Variants in OPHN1 observed in about 807,000 individuals in gnomAD.
The protein encoded by OPHN1 is oligophrenin-1.
Under a neutral mutation model 60.7 loss-of-function variants are expected in OPHN1, and 11 were observed. The ratio of observed to expected loss-of-function variants is 0.18; its 90% confidence interval spans 0.11 to 0.30. The LOEUF (loss-of-function observed/expected upper bound fraction) is 0.30. Among genes scored for constraint, OPHN1 ranks in the 10% least tolerant of loss-of-function variants. OPHN1 has a pLI of 1.00. For missense variants in OPHN1, 449 were observed against 611.0 expected (o/e 0.73, Z 2.80); for synonymous variants, 226 against 222.6 (o/e 1.02, Z -0.14).
At chrX:68,194,042 G>A (rs1342489074) in intron 13 of OPHN1, 90 bp from the exon 14 acceptor site, 6 of 773,549 alleles carry the variant, frequency 7.8e-6, no homozygotes, top group Non-Finnish European at 1.2e-5. Context: ...ACTGCATTGA[G>A]AGAGCTAAGG....
chrX:68,162,776 TAATC>T (rs1304439909), intron 15 of OPHN1, among the ~76,000 whole-genome samples: 1 of 111,194 alleles, frequency 9.0e-6, no homozygotes, highest in Non-Finnish European at 1.9e-5. Flanking sequence ...TTATGTTACT[TAATC>T]AAGTGAAAAA....
chrX:68,220,503 C>T (rs1471322648), intron 6 of OPHN1, among the ~76,000 whole-genome samples: 1 of 104,395 alleles, frequency 9.6e-6, no homozygotes, highest in Non-Finnish European at 2.0e-5. Flanking sequence ...GACCAATATC[C>T]TTGATGAACA....
chrX:68,087,303 C>G (rs1027007688), intron 19 of OPHN1, among the ~76,000 whole-genome samples: 2 of 112,149 alleles, frequency 1.8e-5, no homozygotes, highest in Non-Finnish European at 3.8e-5. Context: ...TTCTGATGGG[C>G]CTTGGCTGTT....
intron 5 of OPHN1, among the ~76,000 whole-genome samples, chrX:68,266,221 A>T (rs922874606): frequency 9.0e-5 from 10 of 111,397 alleles, no homozygotes; most frequent in Non-Finnish European, 1.9e-4. Context: ...CAAGACACAT[A>T]ATTGTCAGAT....
chrX:68,065,107 G>A (rs1329692534), intron 20 of OPHN1, among the ~76,000 whole-genome samples: 2 of 110,886 alleles, frequency 1.8e-5, no homozygotes, highest in African/African-American at 3.3e-5. Context: ...AAACCTGCAC[G>A]TTGTGCACAT....
intron 15 of OPHN1, among the ~76,000 whole-genome samples, chrX:68,137,116 G>A (rs1413449266): frequency 8.9e-6 from 1 of 111,744 alleles, no homozygotes; most frequent in Admixed American, 9.5e-5. Context: ...AAAAACATGA[G>A]TTAAATCATA....
At chrX:68,121,230 C>T (rs772488454) in intron 15 of OPHN1, among the ~76,000 whole-genome samples, 1 of 112,004 alleles carries the variant, frequency 8.9e-6, no homozygotes, top group African/African-American at 3.2e-5. Context: ...AAAACATTGG[C>T]AAACCATAAA....
chrX:68,310,323 C>T (rs1281783120), intron 2 of OPHN1, among the ~76,000 whole-genome samples: 1 of 111,192 alleles, frequency 9.0e-6, no homozygotes, highest in African/African-American at 3.3e-5. Flanking sequence ...TAAAGTTATC[C>T]AGAACCACAA....
intron 2 of OPHN1, among the ~76,000 whole-genome samples, chrX:68,378,425 C>T (rs2078573604): frequency 9.0e-6 from 1 of 111,538 alleles, no homozygotes; most frequent in Non-Finnish European, 1.9e-5. Flanking sequence ...TGCAGAAGCT[C>T]TTTAGTTTAA....
rs781083988 is a variant in OPHN1, at chrX:68,096,939, A to G, written c.1617T>C (p.Thr539=). ...GPTLMRAQED[T]VAAMMNIKFQ... Reference sequence around the variant, plus strand: ...ATTTGATGTTCATCATGGCGGCCACAGTGTCCTCCTGAGCTCTCATCAGGG... The same window carrying G: ...ATTTGATGTTCATCATGGCGGCCACGGTGTCCTCCTGAGCTCTCATCAGGG... The change falls in exon 19 of 25, where the codon ACT becomes ACC. Residue 539 remains threonine (T), a synonymous_variant. Transcript: ENST00000355520. 1.3e-5 allele frequency: 16 copies of G among 1,208,708 alleles called. No homozygotes were observed. Among genetic ancestry groups the G allele is most frequent in the Admixed American group, 2.2e-5 (1 of 45,694 alleles).
At chrX:68,070,635 C>T in intron 20 of OPHN1, 2 of 747,752 alleles carry the variant, frequency 2.7e-6, no homozygotes, top group South Asian at 4.2e-5. Flanking sequence ...CCATTTGGCA[C>T]AGCAAGTGGC....
chrX:68,233,806 T>C (rs1248528512), intron 6 of OPHN1, among the ~76,000 whole-genome samples: 1 of 111,534 alleles, frequency 9.0e-6, no homozygotes, highest in Non-Finnish European at 1.9e-5. Flanking sequence ...CAAACATAAG[T>C]CTTCTATTCT....
intron 11 of OPHN1, among the ~76,000 whole-genome samples, chrX:68,200,279 G>A (rs1363136626): frequency 3.6e-5 from 4 of 110,048 alleles, no homozygotes; most frequent in Non-Finnish European, 7.6e-5. Flanking sequence ...TAATCCCTGG[G>A]TTCTAGTGTC....
At chrX:68,424,758 A>G (rs1982132961) in intron 2 of OPHN1, among the ~76,000 whole-genome samples, 2 of 111,663 alleles carry the variant, frequency 1.8e-5, no homozygotes, top group African/African-American at 3.3e-5. Context: ...TCTACTCCCA[A>G]ATAAGAATAG....
intron 2 of OPHN1, among the ~76,000 whole-genome samples, chrX:68,411,873 G>A (rs926010044): frequency 5.4e-5 from 6 of 110,808 alleles, no homozygotes; most frequent in Non-Finnish European, 1.1e-4. Context: ...GGTATTTTCC[G>A]AGATTTTCTT....
chrX:68,285,911 G>A (rs1387420208), intron 3 of OPHN1, among the ~76,000 whole-genome samples: 3 of 110,489 alleles, frequency 2.7e-5, no homozygotes, highest in Non-Finnish European at 5.7e-5. Context: ...TCTATTTTGT[G>A]AGACACTGTT....
chrX:68,105,177 G>A (rs753471355), intron 18 of OPHN1, among the ~76,000 whole-genome samples: 22 of 110,241 alleles, frequency 2.0e-4, no homozygotes, highest in Non-Finnish European at 3.6e-4. Context: ...GAGAGGATGT[G>A]GAGAAATATG....
intron 18 of OPHN1, among the ~76,000 whole-genome samples, chrX:68,099,734 C>T (rs780801643): frequency 4.5e-5 from 5 of 112,315 alleles, no homozygotes; most frequent in Admixed American, 9.4e-5. Context: ...AGTGTGCTAA[C>T]ATCCTCTTTT....
intron 1 of OPHN1, 48 bp from the exon 2 acceptor site, chrX:68,433,072 G>A (rs755861247): frequency 1.8e-6 from 2 of 1,113,113 alleles, no homozygotes; most frequent in African/African-American, 1.8e-5. Flanking sequence ...AAGACCGAGA[G>A]CATCAATGGC....
Sources: allele counts gnomAD v4.1 joint callset (sites outside exome capture counted in the v4.1 genomes callset), GRCh38; gene constraint gnomAD v4.1.1; transcripts MANE v1.5; gene names NCBI Gene and HGNC (gene_info 2026-07-23, HGNC 2026-07-21).